The following PCDH17 variants were observed in gnomAD, a reference collection of about 807,000 sequenced individuals.
PCDH17 encodes protocadherin-17.
PCDH17 carries 21 observed loss-of-function variants against 67.7 expected under a neutral mutation model. That is an observed-to-expected ratio of 0.31 (90% CI 0.22 to 0.45). PCDH17 has a LOEUF of 0.45. PCDH17 is among the 20% of genes least tolerant of loss of function. The pLI, the probability that PCDH17 is intolerant of heterozygous loss-of-function variation, is 1.00. For missense variants in PCDH17, 1,471 were observed against 1,564.8 expected (o/e 0.94, Z 1.01); for synonymous variants, 701 against 656.7 (o/e 1.07, Z -1.03).
chr13:57,706,684 G>T (rs1955724565), intron 3 of PCDH17, among the ~76,000 whole-genome samples: 1 of 152,050 alleles, frequency 6.6e-6, no homozygotes, highest in Non-Finnish European at 1.5e-5. Context: ...CAAAAACTTT[G>T]TTCATCTTCT....
At chr13:57,655,300 T>C (rs943005350) in intron 1 of PCDH17, among the ~76,000 whole-genome samples, 6 of 152,010 alleles carry the variant, frequency 3.9e-5, no homozygotes, top group Non-Finnish European at 7.4e-5. Flanking sequence ...TAAATAATAA[T>C]TGATTTATCT....
intron 1 of PCDH17, among the ~76,000 whole-genome samples, chr13:57,661,345 G>T (rs948905954): frequency 2.0e-5 from 3 of 151,960 alleles, no homozygotes; most frequent in African/African-American, 7.3e-5. Flanking sequence ...TTGTTTGTTT[G>T]TTTTCTTAGT....
intron 1 of PCDH17, among the ~76,000 whole-genome samples, chr13:57,666,057 T>C (rs1955249311): frequency 6.6e-6 from 1 of 152,084 alleles, no homozygotes; most frequent in Admixed American, 6.6e-5. Context: ...AAGAAACACA[T>C]AGAATCCCAG....
intron 3 of PCDH17, among the ~76,000 whole-genome samples, chr13:57,694,107 C>A (rs1447300582): frequency 6.6e-6 from 1 of 150,954 alleles, no homozygotes; most frequent in African/African-American, 2.4e-5. Context: ...ATCAATCCTA[C>A]CTTGATTTGG....
rs900391947 is a variant in PCDH17 at position 57,728,220 on chromosome 13, G to A, written c.*2926G>A. ...AGACCTCTGGTGCTTGGCTTTCAAG[G>A]AAGCCTATGAGATGCCAAAATCACA... On this transcript the variant is annotated 3_prime_UTR_variant, in exon 4 of 4. Transcript: ENST00000377918. The A allele has an allele frequency of 5.9e-5, 9 of 152,510 alleles. No individual in the cohort carries two copies. The highest frequency in any genetic ancestry group is 2.2e-4 in the African/African-American group (9 of 41,432). The allele number at this position is 152,510 out of a possible 1,614,324, so 9.4% of individuals were successfully genotyped here.
intron 3 of PCDH17, among the ~76,000 whole-genome samples, chr13:57,706,588 C>T (rs769424141): frequency 6.6e-6 from 1 of 152,138 alleles, no homozygotes; most frequent in Admixed American, 6.6e-5. Context: ...CAGAGCCATG[C>T]TCTCCATGAT....
In PCDH17 at chr13:57,710,982, GCACACA is replaced by G. The variant is rs147318879; in HGVS notation, c.2798-13619_2798-13614del. Among the ~76,000 whole-genome samples, 4 of 150,494 alleles carry G rather than the reference GCACACA, an allele frequency of 2.7e-5. No homozygotes were observed. The Admixed American group carries it at 2.7e-4, about 10-fold the overall frequency. ...CAAGTGTGTCAGTGTGCATGTGCAT[GCACACA>G]CACACACACATATGTAAGGTCTATA... On this transcript the variant is annotated intron_variant, in intron 3 of 3. Coordinates refer to ENST00000377918, the MANE Select transcript of PCDH17 (RefSeq NM_001040429.3).
rs769174170 is a variant in PCDH17, at chr13:57,728,836, A to G, written c.*3542A>G. On this transcript the variant is annotated 3_prime_UTR_variant, in exon 4 of 4. Transcript: ENST00000377918. Reference sequence around the variant, plus strand: ...ATCTAGATATTGTTCAATTTAAAATATGGCACCATAAAAAAGTCATGTAGT... The same window carrying G: ...ATCTAGATATTGTTCAATTTAAAATGTGGCACCATAAAAAAGTCATGTAGT... 2.0e-4 allele frequency: 31 copies of G among 152,214 alleles called. No homozygotes were observed. Among genetic ancestry groups the G allele is most frequent in the Non-Finnish European group, 3.8e-4 (26 of 67,976 alleles). The allele number at this position is 152,214 out of a possible 1,614,324, so 9.4% of individuals were successfully genotyped here.
intron 3 of PCDH17, among the ~76,000 whole-genome samples, chr13:57,679,510 G>T (rs912662246): frequency 6.6e-6 from 1 of 151,280 alleles, no homozygotes; most frequent in South Asian, 2.1e-4. Context: ...GCACTTTTAG[G>T]ATTTGCAGAC....
intron 1 of PCDH17, among the ~76,000 whole-genome samples, chr13:57,639,477 CAG>C (rs894287757): frequency 2.0e-5 from 3 of 151,714 alleles, no homozygotes; most frequent in Non-Finnish European, 4.4e-5. Flanking sequence ...AATGAAAACA[CAG>C]AAAGTATAAA....
chr13:57,714,820 G>A (rs568259294), intron 3 of PCDH17, among the ~76,000 whole-genome samples: 1 of 151,666 alleles, frequency 6.6e-6, no homozygotes, highest in African/African-American at 2.4e-5. Flanking sequence ...ACTTAAAAGA[G>A]AAAAGTGTCT....
At position 57,634,165 on chromosome 13, in the gene PCDH17, T is replaced by G. The variant is rs1370765556; in HGVS notation, c.1619T>G (p.Phe540Cys). 1 of 1,613,438 alleles carries G rather than the reference T, an allele frequency of 6.2e-7. No individual in the cohort carries two copies. The highest frequency in any genetic ancestry group is 8.5e-7 in the Non-Finnish European group (1 of 1,180,038). The part of the protein sequence containing the change: ...TNGAIYALRS[F>C]NFEQTKAFEF... ...GGGGCCATCTACGCCCTGCGCTCCTTTAACTTCGAGCAGACCAAGGCTTTT... is the reference window on the plus strand; with the variant it reads ...GGGGCCATCTACGCCCTGCGCTCCTGTAACTTCGAGCAGACCAAGGCTTTT... Residue 540 changes from phenylalanine (F) to cysteine (C), a missense_variant, in exon 1 of 4, where the codon TTT becomes TGT. Physicochemically the swap from Phe to Cys is radical, Grantham distance 205. This residue lies in a region of PCDH17 where 1,163 missense variants were observed against 1,230.0 expected (regional missense o/e 0.95). Transcript: ENST00000377918. This position sits in a 1 kb window ranked among gnomAD's most constrained non-coding sequence, Gnocchi z 7.8.
At chr13:57,681,104 T>C (rs935276255) in intron 3 of PCDH17, among the ~76,000 whole-genome samples, 11 of 151,714 alleles carry the variant, frequency 7.3e-5, no homozygotes, top group African/African-American at 2.7e-4. Flanking sequence ...CTTTAAGAGA[T>C]GAAAACCTGA....
chr13:57,633,174 A>G lies in PCDH17; in HGVS notation c.628A>G (p.Thr210Ala). ...GGACCGCGAGCAACAGAATCACCAT[A>G]CGCTCGTGCTGACTGCCCTGGACGG... ...ALDREQQNHHTLVLTALDGGE... is the reference protein window; with the variant it reads ...ALDREQQNHHALVLTALDGGE... Residue 210 changes from threonine to alanine, a missense_variant, in exon 1 of 4, where the codon ACG becomes GCG. Coordinates refer to ENST00000377918, the MANE Select transcript of PCDH17 (RefSeq NM_001040429.3). This position sits in a 1 kb window ranked among gnomAD's most constrained non-coding sequence, Gnocchi z 6.2. The G allele has an allele frequency of 1.2e-6, 2 of 1,613,196 alleles. No individual in the cohort carries two copies. The highest frequency in any genetic ancestry group is 1.7e-6 in the Non-Finnish European group (2 of 1,179,958).
chr13:57,700,346 G>A (rs1377847916), intron 3 of PCDH17, among the ~76,000 whole-genome samples: 1 of 137,816 alleles, frequency 7.3e-6, no homozygotes, highest in African/African-American at 2.8e-5. Flanking sequence ...TTGAGACCAA[G>A]TCTTGCTCTA....
At chr13:57,700,283 A>G (rs1276887298) in intron 3 of PCDH17, among the ~76,000 whole-genome samples, 3 of 151,652 alleles carry the variant, frequency 2.0e-5, no homozygotes, top group African/African-American at 4.8e-5. Flanking sequence ...CCTCCCTAAA[A>G]TATAAACTAT....
chr13:57,725,013 G>A lies in PCDH17; in HGVS notation c.3199G>A (p.Ala1067Thr). 2.5e-6 allele frequency: 4 copies of A among 1,614,192 alleles called. No individual in the cohort carries two copies. The highest frequency in any genetic ancestry group is 3.4e-6 in the Non-Finnish European group (4 of 1,180,028). ...AGCAAAACCAGGAGCCCTGGCTGAA[G>A]CAAGCAGTCAGTACTTGCCCACTGA... ...CEAKPGALAEASSQYLPTDSQ... is the reference protein window; with the variant it reads ...CEAKPGALAETSSQYLPTDSQ... Residue 1067 changes from alanine (A) to threonine (T), a missense_variant, in exon 4 of 4, where the codon GCA becomes ACA. Physicochemically the swap from Ala to Thr is moderately conservative, Grantham distance 58. Coordinates refer to ENST00000377918, the MANE Select transcript of PCDH17 (RefSeq NM_001040429.3).
In PCDH17 at chr13:57,633,599, C is replaced by T. The variant is rs372289732; in HGVS notation, c.1053C>T (p.Ile351=). 9.9e-6 allele frequency: 16 copies of T among 1,612,628 alleles called. No homozygotes were observed. Among genetic ancestry groups the T allele is most frequent in the Non-Finnish European group, 1.4e-5 (16 of 1,180,056 alleles). The change falls in exon 1 of 4, where the codon ATC becomes ATT. Residue 351 remains isoleucine, a synonymous_variant. Coordinates refer to ENST00000377918, the MANE Select transcript of PCDH17 (RefSeq NM_001040429.3). This position sits in a 1 kb window ranked among gnomAD's most constrained non-coding sequence, Gnocchi z 6.2. The part of the protein sequence containing the change: ...LIDRNDNAPS[I]GFVSVRQGAL... The stretch of plus-strand genomic sequence containing the variant: ...ACCGCAACGACAATGCGCCGTCCAT[C>T]GGTTTCGTCTCCGTGCGCCAGGGGG...
At chr13:57,652,667 A>C (rs537851876) in intron 1 of PCDH17, among the ~76,000 whole-genome samples, 2 of 152,192 alleles carry the variant, frequency 1.3e-5, no homozygotes, top group African/African-American at 4.8e-5. Flanking sequence ...GATGCGTACA[A>C]TTGCTTCTGA....
Sources: allele counts gnomAD v4.1 joint callset (sites outside exome capture counted in the v4.1 genomes callset), GRCh38; gene constraint gnomAD v4.1.1; regional missense constraint gnomAD v4.1.1; non-coding constraint Gnocchi (gnomAD v3.1); transcripts MANE v1.5; gene names NCBI Gene and HGNC (gene_info 2026-07-23, HGNC 2026-07-21).